FOXO3: variants seen among roughly 807,000 people sequenced by gnomAD.
FOXO3 encodes the protein forkhead box protein O3.
FOXO3 carries 4 observed loss-of-function variants against 41.9 expected under a neutral mutation model. That is an observed-to-expected ratio of 0.10 (90% CI 0.05 to 0.22). FOXO3 has a LOEUF of 0.22. Among genes scored for constraint, FOXO3 ranks in the 10% least tolerant of loss-of-function variants. The probability of loss-of-function intolerance (pLI) is 1.00; values close to 1 mark genes in which losing one functional copy is unlikely to be tolerated. For synonymous variants in FOXO3, 318 were observed against 389.3 expected (o/e 0.82, Z 2.16); for missense variants, 534 against 906.8 (o/e 0.59, Z 5.28).
intron 1 of FOXO3, among the ~76,000 whole-genome samples, chr6:108,577,190 T>C (rs1776285299): frequency 1.3e-5 from 1 of 78,804 alleles, no homozygotes; most frequent in South Asian, 6.1e-4. Context: ...CCCAAGTTCT[T>C]AGTAACTCTT....
At position 108,637,977 on chromosome 6, in the gene FOXO3, T is replaced by C. The variant is rs368590611; in HGVS notation, c.622-25478T>C. Among the ~76,000 whole-genome samples the C allele has an allele frequency of 1.4e-4, 22 of 152,234 alleles. No homozygotes were observed. In the South Asian group the frequency reaches 2.9e-3, roughly 20 times the overall value. ...GGAAAGAAAATTGTGTTTCCAAATT[T>C]GTGAAATAAATATACTTAGAAGAAA... is the stretch of plus-strand genomic sequence containing the variant. On this transcript the variant is annotated intron_variant, in intron 1 of 2. Transcript: ENST00000406360.
intron 1 of FOXO3, among the ~76,000 whole-genome samples, chr6:108,568,882 A>G (rs552227695): frequency 2.0e-5 from 3 of 152,346 alleles, no homozygotes; most frequent in East Asian, 3.9e-4. Context: ...GTCCATCACT[A>G]CTTACCACAG....
chr6:108,663,877 C>T lies in FOXO3; in HGVS notation c.1044C>T (p.Tyr348=), dbSNP rs149503832. 5.6e-6 allele frequency: 9 copies of T among 1,614,214 alleles called. No homozygotes were observed. The highest frequency in any genetic ancestry group is 7.6e-6 in the Non-Finnish European group (9 of 1,180,012). The change falls in exon 2 of 3, where the codon TAC becomes TAT. Residue 348 remains tyrosine, a synonymous_variant. Transcript: ENST00000406360. ...DDDAPLSPML[Y]SSSASLSPSV... is the part of the protein sequence containing the mutation. ...ATGCGCCTCTCTCGCCCATGCTCTA[C>T]AGCAGCTCAGCCAGCCTGTCACCTT...
At chr6:108,629,065 A>G (rs1777888815) in intron 1 of FOXO3, among the ~76,000 whole-genome samples, 1 of 152,116 alleles carries the variant, frequency 6.6e-6, no homozygotes, top group Non-Finnish European at 1.5e-5. Flanking sequence ...TCCATTTTTC[A>G]CAGGTAAATC....
chr6:108,668,474 TGTG>T (rs1232938002), intron 2 of FOXO3, among the ~76,000 whole-genome samples: 1 of 152,206 alleles, frequency 6.6e-6, no homozygotes, highest in Non-Finnish European at 1.5e-5. Context: ...CATGAGCTGG[TGTG>T]GTGCTGCAAG....
chr6:108,607,471 AGG>A lies in FOXO3; in HGVS notation c.621+45643_621+45644del, dbSNP rs1777241209. On this transcript the variant is annotated intron_variant, in intron 1 of 2. Coordinates refer to ENST00000406360, the MANE Select transcript of FOXO3 (RefSeq NM_001455.4). ...TCAAAAAAAAAAAAAAAAAAGAAGA[AGG>A]AGTTTCTGTACTCCCTTCAGAAACT... Among the ~76,000 whole-genome samples, 3 of 151,626 alleles carry A rather than the reference AGG, an allele frequency of 2.0e-5. No homozygotes were observed. In the South Asian group the frequency reaches 6.2e-4, roughly 32 times the overall value.
At chr6:108,589,530 T>TA (rs1263966384) in intron 1 of FOXO3, among the ~76,000 whole-genome samples, 1 of 152,228 alleles carries the variant, frequency 6.6e-6, no homozygotes, top group African/African-American at 2.4e-5. Context: ...CTTTTGTTCT[T>TA]AGAGTGCATG....
At chr6:108,585,022 CTTTTTT>C (rs1159028928) in intron 1 of FOXO3, among the ~76,000 whole-genome samples, 17 of 51,528 alleles carry the variant, frequency 3.3e-4, no homozygotes, top group Non-Finnish European at 4.3e-4. Flanking sequence ...TCTCCAAAAT[CTTTTTT>C]TTTTTTTTTT....
intron 1 of FOXO3, among the ~76,000 whole-genome samples, chr6:108,645,465 T>G (rs1415008076): frequency 8.5e-5 from 13 of 152,122 alleles, no homozygotes; most frequent in African/African-American, 2.4e-5. Flanking sequence ...TTGCTTTTTT[T>G]TTTTTTTTCT....
chr6:108,581,787 C>G (rs1236283332), intron 1 of FOXO3, among the ~76,000 whole-genome samples: 1 of 152,146 alleles, frequency 6.6e-6, no homozygotes, highest in East Asian at 1.9e-4. Context: ...CCAAAGTCTT[C>G]AGTGTTTGAT....
chr6:108,674,596 A>C (rs1259167044), intron 2 of FOXO3, among the ~76,000 whole-genome samples: 1 of 152,196 alleles, frequency 6.6e-6, no homozygotes, highest in Non-Finnish European at 1.5e-5. Flanking sequence ...AATTGAGTCA[A>C]GGATAGCGTA....
At chr6:108,591,255 A>C (rs976557669) in intron 1 of FOXO3, among the ~76,000 whole-genome samples, 8 of 152,240 alleles carry the variant, frequency 5.3e-5, no homozygotes, top group African/African-American at 1.9e-4. Context: ...GTAGACAGCC[A>C]GCCATCCTGA....
At position 108,684,561 on chromosome 6, in the gene FOXO3, A is replaced by G. The variant is rs1002087497; in HGVS notation, c.*4769A>G. The G allele has an allele frequency of 6.6e-6, 1 of 152,626 alleles. No homozygotes were observed. The highest frequency in any genetic ancestry group is 6.5e-5 in the Admixed American group (1 of 15,280). 9.5% of individuals were successfully genotyped at this position (152,626 alleles called of 1,614,324 possible). A position where few individuals can be genotyped will look rare whatever the true frequency, so the allele number is the denominator to read the frequency against. On this transcript the variant is annotated 3_prime_UTR_variant, in exon 3 of 3. Transcript: ENST00000406360. ...TTCTTACTGAGGATTTTGTCTAACC[A>G]TATGTTGCCATGAATTAACTCTGCC... is the stretch of plus-strand genomic sequence containing the variant.
At chr6:108,620,862 T>A (rs1777646301) in intron 1 of FOXO3, among the ~76,000 whole-genome samples, 1 of 152,180 alleles carries the variant, frequency 6.6e-6, no homozygotes, top group Non-Finnish European at 1.5e-5. Flanking sequence ...TGAATAGTGT[T>A]TTATTGCTGA....
chr6:108,573,299 A>AAG (rs1776161744), intron 1 of FOXO3, among the ~76,000 whole-genome samples: 1 of 151,984 alleles, frequency 6.6e-6, no homozygotes, highest in African/African-American at 2.4e-5. Context: ...AAATAAATAA[A>AAG]TAAGTAAGTA....
At chr6:108,561,922 T>C in intron 1 of FOXO3, 93 bp downstream of exon 1, 2 of 1,459,718 alleles carry the variant, frequency 1.4e-6, no homozygotes, top group South Asian at 1.4e-5. Flanking sequence ...GCTTGCGGGC[T>C]CCAGGGCAAG....
chr6:108,670,364 T>C (rs899589452), intron 2 of FOXO3, among the ~76,000 whole-genome samples: 2 of 152,012 alleles, frequency 1.3e-5, no homozygotes, highest in African/African-American at 4.8e-5. Context: ...TTTCAGAAAC[T>C]AAAATGAATT....
At chr6:108,675,907 G>A in intron 2 of FOXO3, among the ~76,000 whole-genome samples, 1 of 152,186 alleles carries the variant, frequency 6.6e-6, no homozygotes, top group African/African-American at 2.4e-5. Context: ...GAACATTTAT[G>A]TTTTATTCCC....
At chr6:108,598,286 T>G (rs1054473617) in intron 1 of FOXO3, among the ~76,000 whole-genome samples, 1 of 152,152 alleles carries the variant, frequency 6.6e-6, no homozygotes, top group Non-Finnish European at 1.5e-5. Flanking sequence ...CCTTGGTAGT[T>G]TCTTCATCAA....
Sources: gnomAD v4.1 joint callset for allele counts (sites outside exome capture counted in the v4.1 genomes callset) on GRCh38, gnomAD v4.1.1 for gene constraint, MANE v1.5 for transcripts, NCBI Gene and HGNC (gene_info 2026-07-23, HGNC 2026-07-21) for gene names.